The following TULP4 variants were observed in gnomAD, a reference collection of about 807,000 sequenced individuals.
The protein encoded by TULP4 is tubby-related protein 4.
Under a neutral mutation model 129.0 loss-of-function variants are expected in TULP4, and 16 were observed. That is an observed-to-expected ratio of 0.12 (90% CI 0.08 to 0.19). The LOEUF (loss-of-function observed/expected upper bound fraction) is 0.19. TULP4 is among the 10% of genes least tolerant of loss of function. The probability of loss-of-function intolerance (pLI) is 1.00; values close to 1 mark genes in which losing one functional copy is unlikely to be tolerated. For missense variants in TULP4, 1,842 were observed against 2,059.1 expected (o/e 0.89, Z 2.04); for synonymous variants, 998 against 854.0 (o/e 1.17, Z -2.94).
At chr6:158,491,445 TCTTTCTTTC>T (rs1780202411) in intron 9 of TULP4, among the ~76,000 whole-genome samples, 2 of 58,364 alleles carry the variant, frequency 3.4e-5, no homozygotes, top group African/African-American at 2.5e-4. Context: ...TTCTTTCTTT[TCTTTCTTTC>T]TTTTCTTTCT....
At chr6:158,352,080 T>G (rs1468063195) in intron 1 of TULP4, among the ~76,000 whole-genome samples, 3 of 152,182 alleles carry the variant, frequency 2.0e-5, no homozygotes, top group African/African-American at 2.4e-5. Context: ...TATATTTTCC[T>G]TAGAATAAAT....
At chr6:158,251,553 C>CA (rs1778139857) in intron 1 of TULP4, among the ~76,000 whole-genome samples, 1 of 152,184 alleles carries the variant, frequency 6.6e-6, no homozygotes, top group South Asian at 2.1e-4. Flanking sequence ...ACAGAAACAA[C>CA]AATCAAAAAA....
intron 1 of TULP4, among the ~76,000 whole-genome samples, chr6:158,267,772 C>T (rs1778473354): frequency 1.3e-5 from 2 of 152,128 alleles, no homozygotes; most frequent in Admixed American, 1.3e-4. Context: ...CCGTTTTCCT[C>T]CGTGGGTTGG....
chr6:158,363,752 T>C (rs1780853802), intron 1 of TULP4, among the ~76,000 whole-genome samples: 1 of 152,214 alleles, frequency 6.6e-6, no homozygotes, highest in South Asian at 2.1e-4. Context: ...CCCAAAGTGC[T>C]GGGATTACAG....
rs565592301 is a variant in TULP4 at position 158,396,285 on chromosome 6, C to G, written c.253-16780C>G. Among the ~76,000 whole-genome samples, 7 of 152,246 alleles carry G rather than the reference C, an allele frequency of 4.6e-5. No individual in the cohort carries two copies. In the South Asian group the frequency reaches 1.2e-3, roughly 27 times the overall value. On this transcript the variant is annotated intron_variant, in intron 1 of 13. Transcript: ENST00000367097. ...ACCCAGGTTGGCTCTTCTTTTTTGT[C>G]CTGCTCTCTTTGTCAGCTTGTCACT... is the stretch of plus-strand genomic sequence containing the variant.
At chr6:158,350,731 A>AAGAGGGG (rs1780495826) in intron 1 of TULP4, among the ~76,000 whole-genome samples, 1 of 150,664 alleles carries the variant, frequency 6.6e-6, no homozygotes, top group African/African-American at 2.4e-5. Context: ...GAAAGAAAGG[A>AAGAGGGG]AGAGGGGAGA....
intron 8 of TULP4, among the ~76,000 whole-genome samples, chr6:158,482,614 AAGG>A (rs1191118522): frequency 2.6e-5 from 4 of 152,174 alleles, no homozygotes; most frequent in Non-Finnish European, 5.9e-5. Context: ...TTTCAGGGAA[AAGG>A]AGAAGGGCCA....
intron 1 of TULP4, among the ~76,000 whole-genome samples, chr6:158,336,091 A>T (rs1780025675): frequency 6.6e-6 from 1 of 152,228 alleles, no homozygotes; most frequent in East Asian, 1.9e-4. Flanking sequence ...CCACAGCTTC[A>T]CCCATAGTAT....
intron 5 of TULP4, among the ~76,000 whole-genome samples, chr6:158,459,558 A>G (rs17581620): frequency 0.16 from 25,081 of 152,096 alleles, 2,671 homozygotes; most frequent in Middle Eastern, 0.25. Flanking sequence ...GTCCCTGAGC[A>G]GTTTCCGAAA....
intron 1 of TULP4, among the ~76,000 whole-genome samples, chr6:158,324,183 T>G (rs1779696108): frequency 6.6e-6 from 1 of 152,224 alleles, no homozygotes; most frequent in Non-Finnish European, 1.5e-5. Flanking sequence ...GTGGGAACAC[T>G]GAGAGAAAGG....
chr6:158,239,185 T>C (rs1322122381), intron 1 of TULP4, among the ~76,000 whole-genome samples: 3 of 95,734 alleles, frequency 3.1e-5, no homozygotes, highest in Non-Finnish European at 4.6e-5. Context: ...GGCGGGGGGC[T>C]GACCCCCCCC....
At chr6:158,403,135 G>T (rs1341712926) in intron 1 of TULP4, among the ~76,000 whole-genome samples, 2 of 152,142 alleles carry the variant, frequency 1.3e-5, no homozygotes, top group Admixed American at 1.3e-4. Flanking sequence ...CTTCCCAGTG[G>T]TTTGCTGTGC....
At chr6:158,328,133 C>A (rs4989382) in intron 1 of TULP4, among the ~76,000 whole-genome samples, 1 of 60,942 alleles carries the variant, frequency 1.6e-5, no homozygotes, top group African/African-American at 7.3e-5. Flanking sequence ...TGTGTGCGTG[C>A]GTGCTGGGAA....
intron 1 of TULP4, among the ~76,000 whole-genome samples, chr6:158,290,465 T>G (rs1208104977): frequency 6.6e-6 from 1 of 152,226 alleles, no homozygotes; most frequent in Non-Finnish European, 1.5e-5. Context: ...TTCTGTGGAT[T>G]ATGTCTACTT....
intron 9 of TULP4, among the ~76,000 whole-genome samples, chr6:158,491,694 T>C (rs1265163058): frequency 6.6e-6 from 1 of 151,698 alleles, no homozygotes; most frequent in Non-Finnish European, 1.5e-5. Flanking sequence ...GGTTTCACCA[T>C]GTTAGCCAGG....
upstream of TULP4, among the ~76,000 whole-genome samples, chr6:158,278,287 G>C (rs2128465058): frequency 6.6e-6 from 1 of 152,230 alleles, no homozygotes; most frequent in South Asian, 2.1e-4. Context: ...TGACAATACA[G>C]CTTCACAAAG....
In TULP4 at chr6:158,363,062, CAAAAAAAA is replaced by C. The variant is rs11373437; in HGVS notation, c.252+48809_252+48816del. Among the ~76,000 whole-genome samples, 234 of 88,010 alleles carry C rather than the reference CAAAAAAAA, an allele frequency of 2.7e-3. 2 individuals carry two copies. Among genetic ancestry groups the C allele is most frequent in the African/African-American group, 0.01 (221 of 21,868 alleles). The allele number at this position is 88,010 out of a possible 152,430, so 57.7% of individuals were successfully genotyped here. On this transcript the variant is annotated intron_variant, in intron 1 of 13. Transcript: ENST00000367097. ...GGGGGGACAGAGCGAGACTCCATCT[CAAAAAAAA>C]AAAAAAAAAAAAAAGTCACAGTCTT... is the stretch of plus-strand genomic sequence containing the variant.
At chr6:158,295,429 G>A (rs1194483282) in intron 1 of TULP4, among the ~76,000 whole-genome samples, 1 of 151,806 alleles carries the variant, frequency 6.6e-6, no homozygotes, top group Non-Finnish European at 1.5e-5. Context: ...TTCACAGCTT[G>A]TTAAACCTGT....
At chr6:158,459,887 T>G (rs1184692643) in intron 5 of TULP4, among the ~76,000 whole-genome samples, 1 of 152,178 alleles carries the variant, frequency 6.6e-6, no homozygotes, top group Non-Finnish European at 1.5e-5. Context: ...ACAAGCAGGC[T>G]TTTCCCTGAG....
Sources: gnomAD v4.1 joint callset for allele counts (sites outside exome capture counted in the v4.1 genomes callset) on GRCh38, gnomAD v4.1.1 for gene constraint, MANE v1.5 for transcripts, NCBI Gene and HGNC (gene_info 2026-07-23, HGNC 2026-07-21) for gene names.